Variants in KLK1 observed in about 807,000 individuals in gnomAD.
KLK1 encodes the protein kallikrein-1.
KLK1 carries 22 observed loss-of-function variants against 23.3 expected under a neutral mutation model. The observed-to-expected ratio is 0.95, with a 90% confidence interval of 0.68 to 1.35. The LOEUF (loss-of-function observed/expected upper bound fraction) is 1.35. KLK1 is among the 40% of genes most tolerant of loss of function. The probability of loss-of-function intolerance (pLI) is 0.00; values close to 1 mark genes in which losing one functional copy is unlikely to be tolerated. For missense variants in KLK1, 301 were observed against 338.9 expected (o/e 0.89, Z 0.88); for synonymous variants, 140 against 135.8 (o/e 1.03, Z -0.21).
Position 50,821,981 on chromosome 19 carries a change from A to G in KLK1, c.47-110T>C, listed in dbSNP as rs777042358. ...TCTGAAGGGACATTGCGGGTAGAGG[A>G]CCAGGGCTGGAGGTTGGGGACATGG... On this transcript the variant is annotated intron_variant, in intron 1 of 4. Transcript: ENST00000301420. This position sits in a 1 kb window ranked among gnomAD's most constrained non-coding sequence, Gnocchi z 5.6. 12 of 1,469,212 alleles carry G rather than the reference A, an allele frequency of 8.2e-6. No individual in the cohort carries two copies. The highest frequency in any genetic ancestry group is 9.9e-6 in the Non-Finnish European group (11 of 1,110,982). 91.0% of individuals were successfully genotyped at this position (1,469,212 alleles called of 1,614,324 possible).
rs757013576 is a variant in KLK1 at position 50,819,239 on chromosome 19, C to T, written c.744G>A (p.Leu248=). 2 of 1,614,162 alleles carry T rather than the reference C, an allele frequency of 1.2e-6. No individual in the cohort carries two copies. The highest frequency in any genetic ancestry group is 2.2e-5 in the South Asian group (2 of 91,084). Reference sequence around the variant, plus strand: ...TGTCCTCGATCCACTTCACATAAGACAGCACTCTGACGGCGACAGAAGGCT... The same window carrying T: ...TGTCCTCGATCCACTTCACATAAGATAGCACTCTGACGGCGACAGAAGGCT... ...PNKPSVAVRV[L]SYVKWIEDTI... Residue 248 remains leucine, a synonymous_variant, in exon 5 of 5, where the codon CTG becomes CTA. Coordinates refer to ENST00000301420, the MANE Select transcript of KLK1 (RefSeq NM_002257.4).
chr19:50,821,116 T>G lies in KLK1; in HGVS notation c.206+596A>C, dbSNP rs1239114711. Among the ~76,000 whole-genome samples, 2 of 152,012 alleles carry G rather than the reference T, an allele frequency of 1.3e-5. No homozygotes were observed. The highest frequency in any genetic ancestry group is 1.5e-5 in the Non-Finnish European group (1 of 67,984). ...CCTCCCGCGCGTTTCTCGCCCCGCCTCCTCCTTCCTCCTCCCTCAGTTGCC... is the reference window on the plus strand; with the variant it reads ...CCTCCCGCGCGTTTCTCGCCCCGCCGCCTCCTTCCTCCTCCCTCAGTTGCC... On this transcript the variant is annotated intron_variant, in intron 2 of 4. Transcript: ENST00000301420. The surrounding 1 kb of genome is among the most constrained non-coding windows in gnomAD (Gnocchi z 5.6).
At chr19:50,819,655 T>C (rs767751187) in intron 4 of KLK1, among the ~76,000 whole-genome samples, 2 of 151,984 alleles carry the variant, frequency 1.3e-5, no homozygotes, top group African/African-American at 2.4e-5. Context: ...TCTCCAGGAC[T>C]ACTCTCTGAC....
intron 1 of KLK1, chr19:50,822,079 GGGA>G (rs2089831891): frequency 3.7e-6 from 5 of 1,352,966 alleles, no homozygotes; most frequent in Non-Finnish European, 4.7e-6. Context: ...GGACCTGGTG[GGGA>G]GATTTTGTGC....
intron 4 of KLK1, 135 bp from the exon 5 acceptor site, chr19:50,819,484 G>A (rs1473279905): frequency 2.3e-6 from 2 of 866,796 alleles, no homozygotes; most frequent in Non-Finnish European, 3.5e-6. Context: ...CCACAGAGGG[G>A]ACAGGGTCTC....
At chr19:50,820,524 C>A (rs2089820803) in intron 2 of KLK1, 81 bp from the exon 3 acceptor site, 6 of 940,722 alleles carry the variant, frequency 6.4e-6, no homozygotes, top group African/African-American at 1.7e-5. Context: ...GGGAGGGTCC[C>A]CAAAGAGAGA....
chr19:50,822,824 G>C (rs1485058907), intron 1 of KLK1: 1 of 977,714 alleles, frequency 1.0e-6, no homozygotes, highest in Non-Finnish European at 1.2e-6. Context: ...AAGCAGCTGT[G>C]GGAATGCAAT....
chr19:50,820,511 T>TGGGTTGCTG, intron 2 of KLK1, 68 bp from the exon 3 acceptor site: 3 of 135,882 alleles, frequency 2.2e-5, no homozygotes, highest in East Asian at 1.2e-4. Context: ...CAGGGGAGCA[T>TGGGTTGCTG]GGGGGAGGGT....
chr19:50,820,149 C>T lies in KLK1; in HGVS notation c.496+5G>A. Reference sequence around the variant, plus strand: ...CCTTGGGCTACACAGTCTGCCCCCACATACAATTCTCTGGTTCGATGCTGC... The same window carrying T: ...CCTTGGGCTACACAGTCTGCCCCCATATACAATTCTCTGGTTCGATGCTGC... On this transcript the variant is annotated splice_donor_5th_base_variant and intron_variant, in intron 3 of 4. Transcript: ENST00000301420. The T allele has an allele frequency of 6.3e-7, 1 of 1,599,474 alleles. No homozygotes were observed. The highest frequency in any genetic ancestry group is 2.2e-5 in the East Asian group (1 of 44,666).
intron 2 of KLK1, chr19:50,820,722 G>A (rs1236675647): frequency 6.0e-6 from 2 of 330,816 alleles, no homozygotes; most frequent in African/African-American, 2.1e-5. Flanking sequence ...TGAGAAACAG[G>A]GTGAGCAAAA....
At position 50,819,174 on chromosome 19, in the gene KLK1, T is replaced by C; in HGVS notation, c.*20A>G. The C allele has an allele frequency of 6.3e-7, 1 of 1,593,150 alleles. No homozygotes were observed. The highest frequency in any genetic ancestry group is 1.1e-5 in the South Asian group (1 of 89,352). ...GATGCACATTTGATTTTACTGGGGG[T>C]AGGGGACAGGGCTGGGCGTTCAGGA... On this transcript the variant is annotated 3_prime_UTR_variant, in exon 5 of 5. Coordinates refer to ENST00000301420, the MANE Select transcript of KLK1 (RefSeq NM_002257.4).
chr19:50,823,273 A>C (rs1325545362), intron 1 of KLK1, among the ~76,000 whole-genome samples: 1 of 151,792 alleles, frequency 6.6e-6, no homozygotes, highest in Non-Finnish European at 1.5e-5. Flanking sequence ...TTGTAGACTC[A>C]GGAGCCAAAT....
At chr19:50,822,792 A>C in intron 1 of KLK1, 1 of 982,358 alleles carries the variant, frequency 1.0e-6, no homozygotes, top group Non-Finnish European at 1.2e-6. Flanking sequence ...AGAGGATTGG[A>C]GAAGTGGTGA....
Position 50,819,180 on chromosome 19 carries a change from A to G in KLK1, c.*14T>C. ...CATTTGATTTTACTGGGGGTAGGGG[A>G]CAGGGCTGGGCGTTCAGGAGTTCTC... is the stretch of plus-strand genomic sequence containing the variant. On this transcript the variant is annotated 3_prime_UTR_variant, in exon 5 of 5. Transcript: ENST00000301420. 6.2e-7 allele frequency: 1 copy of G among 1,603,822 alleles called. No individual in the cohort carries two copies.
chr19:50,819,396 C>G, intron 4 of KLK1, 47 bp from the exon 5 acceptor site: 1 of 1,549,026 alleles, frequency 6.5e-7, no homozygotes, highest in South Asian at 1.2e-5. Context: ...TCTACGGGGC[C>G]CAAGTTCTGC....
chr19:50,820,037 T>C lies in KLK1; in HGVS notation c.497-2A>G, dbSNP rs200448641. On this transcript the variant is annotated splice_acceptor_variant, in intron 3 of 4. Transcript: ENST00000301420. LOFTEE classifies it high-confidence loss of function. ...ACTGGAGATCATCTGGAAATGAGAC[T>C]ACGAACCCGGGAGAAAAAGGGCTGC... 103 of 1,613,930 alleles carry C rather than the reference T, an allele frequency of 6.4e-5. No individual in the cohort carries two copies. The Middle Eastern group carries it at 8.2e-4, about 13-fold the overall frequency.
In KLK1 at chr19:50,821,586, G is replaced by A. The variant is rs1177637796; in HGVS notation, c.206+126C>T. 10 of 1,331,054 alleles carry A rather than the reference G, an allele frequency of 7.5e-6. No homozygotes were observed. Among genetic ancestry groups the A allele is most frequent in the African/African-American group, 4.5e-5 (3 of 67,306 alleles). 82.5% of individuals were successfully genotyped at this position (1,331,054 alleles called of 1,614,324 possible). On this transcript the variant is annotated intron_variant, in intron 2 of 4. Coordinates refer to ENST00000301420, the MANE Select transcript of KLK1 (RefSeq NM_002257.4). This position sits in a 1 kb window ranked among gnomAD's most constrained non-coding sequence, Gnocchi z 5.6. ...AGCTCTGCCCTGCCAGGCGACCTGC[G>A]CCAGAGCCTTCCTCTCTGCCTCAGC...
At chr19:50,822,494 G>A (rs2089834258) in intron 1 of KLK1, 1 of 985,348 alleles carries the variant, frequency 1.0e-6, no homozygotes, top group Admixed American at 6.2e-5. Context: ...AGATTTCAGG[G>A]CTTCCTGGTT....
intron 1 of KLK1, among the ~76,000 whole-genome samples, chr19:50,823,341 G>A (rs1010920604): frequency 1.3e-5 from 2 of 152,102 alleles, no homozygotes; most frequent in African/African-American, 2.4e-5. Context: ...GTGGGGTGGG[G>A]GAAGCCCATG....
Sources: gnomAD v4.1 joint callset for allele counts (sites outside exome capture counted in the v4.1 genomes callset) on GRCh38, gnomAD v4.1.1 for gene constraint, Gnocchi (gnomAD v3.1) non-coding constraint, MANE v1.5 for transcripts, NCBI Gene and HGNC (gene_info 2026-07-23, HGNC 2026-07-21) for gene names.